Variants in CCDC7 observed in about 807,000 individuals in gnomAD.
CCDC7 encodes coiled-coil domain-containing protein 7.
In CCDC7, 183 loss-of-function variants were observed where a neutral mutation model predicts 196.9. The ratio of observed to expected loss-of-function variants is 0.93; its 90% CI spans 0.82 to 1.05. The LOEUF (loss-of-function observed/expected upper bound fraction) is 1.05, where lower values mean the gene tolerates loss of function less well. Among genes scored for constraint, CCDC7 ranks in the 50% least tolerant of loss-of-function variants. CCDC7 has a pLI of 0.00. For missense variants in CCDC7, 1,540 were observed against 1,482.2 expected, an observed-to-expected ratio of 1.04 and a Z score of -0.64; for synonymous variants, 525 against 484.6, an observed-to-expected ratio of 1.08 and a Z score of -1.10.
At chr10:32,637,363 G>T (rs1192920513) in intron 20 of CCDC7, among the ~76,000 whole-genome samples, 4 of 152,116 alleles carry the variant, frequency 2.6e-5, no homozygotes, top group Non-Finnish European at 4.4e-5. Flanking sequence ...ATGGTTTTAG[G>T]TCTAATGTTT....
intron 39 of CCDC7, among the ~76,000 whole-genome samples, chr10:32,850,103 A>G (rs2093490353): frequency 6.6e-6 from 1 of 152,202 alleles, no homozygotes; most frequent in African/African-American, 2.4e-5. Flanking sequence ...CTTCACAGAA[A>G]CTGAAAAGAG....
At chr10:32,443,694 C>T (rs1324175044), upstream of CCDC7, among the ~76,000 whole-genome samples, 1 of 152,100 alleles carries the variant, frequency 6.6e-6, no homozygotes, top group Non-Finnish European at 1.5e-5. Context: ...TACTATTTTA[C>T]TATAACTTTA....
At chr10:32,725,362 C>A (rs1380347024) in intron 25 of CCDC7, 6 of 470,914 alleles carry the variant, frequency 1.3e-5, no homozygotes, top group Non-Finnish European at 2.6e-5. Flanking sequence ...CTGCCCCCAA[C>A]ACTCTTGCCC....
intron 21 of CCDC7, among the ~76,000 whole-genome samples, chr10:32,675,113 G>C (rs1243314916): frequency 4.0e-5 from 6 of 151,796 alleles, no homozygotes; most frequent in Non-Finnish European, 8.8e-5. Context: ...TTATTGCTAG[G>C]TGAAGACTTA....
chr10:32,809,122 G>A (rs1285461993), intron 30 of CCDC7, among the ~76,000 whole-genome samples: 3 of 152,270 alleles, frequency 2.0e-5, no homozygotes, highest in Non-Finnish European at 2.9e-5. Flanking sequence ...ATTGAGAGAA[G>A]TGAGTGTTAC....
At chr10:32,698,791 TGAA>T (rs1366590771) in intron 24 of CCDC7, among the ~76,000 whole-genome samples, 1 of 152,218 alleles carries the variant, frequency 6.6e-6, no homozygotes, top group Non-Finnish European at 1.5e-5. Context: ...CAGGATATTA[TGAA>T]GGAGAACTTC....
At chr10:32,765,096 T>C (rs2078062265) in intron 28 of CCDC7, among the ~76,000 whole-genome samples, 1 of 151,870 alleles carries the variant, frequency 6.6e-6, no homozygotes, top group Non-Finnish European at 1.5e-5. Flanking sequence ...CTCAATCAAT[T>C]CCCAGACTTG....
At chr10:32,820,744 G>C (rs2089998745) in intron 31 of CCDC7, among the ~76,000 whole-genome samples, 1 of 152,170 alleles carries the variant, frequency 6.6e-6, no homozygotes, top group Non-Finnish European at 1.5e-5. Context: ...AAATGGTGCT[G>C]AGAAAACTGG....
chr10:32,583,253 CG>C (rs756937431), exon 17 of CCDC7: 125 of 1,231,134 alleles, frequency 1.0e-4, no homozygotes, highest in Non-Finnish European at 1.3e-4. Context: ...CTCAAAAAAA[CG>C]AAACAGTGAT....
At chr10:32,524,859 C>G (rs946334741) in intron 11 of CCDC7, among the ~76,000 whole-genome samples, 7 of 152,024 alleles carry the variant, frequency 4.6e-5, no homozygotes, top group Non-Finnish European at 1.0e-4. Flanking sequence ...TTGAGGTAGT[C>G]TTCTTTGGGT....
At chr10:32,568,181 A>G (rs2057122493) in intron 15 of CCDC7, among the ~76,000 whole-genome samples, 1 of 151,380 alleles carries the variant, frequency 6.6e-6, no homozygotes, top group African/African-American at 2.4e-5. Flanking sequence ...TAATTTTTGT[A>G]TTTTTAGTAG....
At chr10:32,571,073 T>C (rs2057491888) in intron 15 of CCDC7, among the ~76,000 whole-genome samples, 1 of 149,630 alleles carries the variant, frequency 6.7e-6, no homozygotes, top group African/African-American at 2.5e-5. Context: ...TGGTGAGATC[T>C]TGGCTCACTG....
intron 9 of CCDC7, among the ~76,000 whole-genome samples, chr10:32,508,932 A>ATT (rs4016795): frequency 0.073 from 8,520 of 116,882 alleles, 632 homozygotes; most frequent in African/African-American, 0.15. Context: ...TGTGCCTGGC[A>ATT]TTTTTTTTTT....
intron 11 of CCDC7, among the ~76,000 whole-genome samples, chr10:32,523,846 A>G (rs1230440838): frequency 3.3e-5 from 5 of 149,978 alleles, no homozygotes; most frequent in Non-Finnish European, 7.4e-5. Flanking sequence ...TTCCATTCCT[A>G]TATTTTCTGT....
At chr10:32,870,629 C>G (rs939390789) in intron 41 of CCDC7, among the ~76,000 whole-genome samples, 10 of 152,114 alleles carry the variant, frequency 6.6e-5, no homozygotes, top group African/African-American at 2.4e-4. Context: ...ACTTCCAACA[C>G]TATGTTGAAT....
intron 8 of CCDC7, among the ~76,000 whole-genome samples, chr10:32,479,766 C>G (rs1255568422): frequency 6.6e-6 from 1 of 151,704 alleles, no homozygotes; most frequent in Non-Finnish European, 1.5e-5. Context: ...TCGAAGAATT[C>G]GAGAAGGATT....
chr10:32,508,629 AT>A (rs937657234), intron 9 of CCDC7, among the ~76,000 whole-genome samples: 29 of 148,260 alleles, frequency 2.0e-4, no homozygotes, highest in East Asian at 3.9e-4. Flanking sequence ...TTACTTTCTT[AT>A]TTTTTTTTTT....
intron 25 of CCDC7, among the ~76,000 whole-genome samples, chr10:32,717,311 T>A (rs1368332209): frequency 6.6e-6 from 1 of 152,156 alleles, no homozygotes; most frequent in Non-Finnish European, 1.5e-5. Context: ...AAGGCAGAAA[T>A]AAGTGAATTC....
chr10:32,566,315 G>C (rs1380297191), intron 14 of CCDC7, among the ~76,000 whole-genome samples: 1 of 152,068 alleles, frequency 6.6e-6, no homozygotes. Flanking sequence ...AAATTGGAAA[G>C]ATGTAGCCTT....
Sources: gnomAD v4.1 joint callset for allele counts (sites outside exome capture counted in the v4.1 genomes callset) on GRCh38, gnomAD v4.1.1 for gene constraint, MANE v1.5 for transcripts, NCBI Gene and HGNC (gene_info 2026-07-23, HGNC 2026-07-21) for gene names.